The following STAG1 variants were observed in gnomAD, a reference collection of about 807,000 sequenced individuals.
STAG1 encodes cohesin subunit SA-1.
A neutral mutation model predicts 170.9 loss-of-function variants in STAG1; 26 were observed. That is an observed-to-expected ratio of 0.15 (90% CI 0.11 to 0.21). The LOEUF is 0.21. Among genes scored for constraint, STAG1 ranks in the 10% least tolerant of loss-of-function variants. The probability of loss-of-function intolerance (pLI) is 1.00; values close to 1 mark genes in which losing one functional copy is unlikely to be tolerated. For synonymous variants in STAG1, 514 were observed against 497.7 expected (o/e 1.03, Z -0.44); for missense variants, 964 against 1,509.5 (o/e 0.64, Z 5.99).
chr3:136,629,208 A>C (rs1940225687), intron 2 of STAG1, among the ~76,000 whole-genome samples: 1 of 152,242 alleles, frequency 6.6e-6, no homozygotes, highest in South Asian at 2.1e-4. Context: ...AGAGCTATTA[A>C]AGGCCTACCT....
intron 3 of STAG1, among the ~76,000 whole-genome samples, chr3:136,616,881 T>C (rs901067770): frequency 1.3e-5 from 2 of 152,120 alleles, no homozygotes; most frequent in Non-Finnish European, 1.5e-5. Flanking sequence ...ATGAACAATA[T>C]AGAAAGTACT....
At chr3:136,499,206 G>C (rs1413334592) in intron 9 of STAG1, among the ~76,000 whole-genome samples, 2 of 152,108 alleles carry the variant, frequency 1.3e-5, no homozygotes, top group African/African-American at 4.8e-5. Context: ...TTTTGTTTTA[G>C]ACAGGGTCTT....
At chr3:136,743,444 G>T (rs1278907622) in intron 1 of STAG1, among the ~76,000 whole-genome samples, 1 of 151,488 alleles carries the variant, frequency 6.6e-6, no homozygotes, top group Admixed American at 6.6e-5. Context: ...ACATTAGAAG[G>T]ATAGCAAGGA....
chr3:136,396,520 C>CATTTT (rs2087162173), intron 22 of STAG1, among the ~76,000 whole-genome samples: 1 of 43,638 alleles, frequency 2.3e-5, no homozygotes, highest in Non-Finnish European at 3.7e-5. Flanking sequence ...CGCGCCTGGC[C>CATTTT]TTTTTTTTTT....
chr3:136,505,961 T>C (rs1449929585), intron 7 of STAG1, among the ~76,000 whole-genome samples: 1 of 151,990 alleles, frequency 6.6e-6, no homozygotes, highest in East Asian at 1.9e-4. Context: ...AGCACAGAGG[T>C]AGTCAGAGGC....
chr3:136,492,005 A>G (rs989899546), intron 9 of STAG1, among the ~76,000 whole-genome samples: 9 of 152,184 alleles, frequency 5.9e-5, no homozygotes, highest in African/African-American at 1.7e-4. Flanking sequence ...ACAAAACAAA[A>G]CAAAAAAACA....
At chr3:136,504,854 G>A (rs1349448484) in intron 7 of STAG1, among the ~76,000 whole-genome samples, 3 of 152,020 alleles carry the variant, frequency 2.0e-5, no homozygotes, top group African/African-American at 7.2e-5. Context: ...AACTCCAAAT[G>A]TCATTATTTA....
chr3:136,439,318 G>A (rs974449590), intron 15 of STAG1, among the ~76,000 whole-genome samples: 1 of 149,990 alleles, frequency 6.7e-6, no homozygotes, highest in Non-Finnish European at 1.5e-5. Flanking sequence ...CAGAGCTGTT[G>A]ACAAGAACCA....
intron 27 of STAG1, among the ~76,000 whole-genome samples, chr3:136,358,633 G>A (rs1373827515): frequency 6.6e-6 from 1 of 152,090 alleles, no homozygotes; most frequent in African/African-American, 2.4e-5. Context: ...GGAGGGCAGT[G>A]GTACAATCAT....
rs1000203169 is a variant in STAG1, at chr3:136,657,904, T to C, written c.-83-26923A>G. ...TAGCTATGAGTTGTGGATTTCCCTG[T>C]TGACTTGTTGTACTTTTCTTTTATC... is the stretch of plus-strand genomic sequence containing the variant. On this transcript the variant is annotated intron_variant, in intron 1 of 33. Transcript: ENST00000383202. Among the ~76,000 whole-genome samples, 3 of 152,218 alleles carry C rather than the reference T, an allele frequency of 2.0e-5. No homozygotes were observed. The South Asian group carries it at 6.2e-4, about 31-fold the overall frequency.
intron 1 of STAG1, among the ~76,000 whole-genome samples, chr3:136,638,729 C>T (rs2107844498): frequency 6.6e-6 from 1 of 152,162 alleles, no homozygotes; most frequent in African/African-American, 2.4e-5. Context: ...ATGGTGAAAA[C>T]TCGTCTCTGC....
chr3:136,518,017 G>C (rs67794070), intron 7 of STAG1: 13,589 of 172,250 alleles, frequency 0.079, 561 homozygotes, highest in Non-Finnish European at 0.094. Context: ...TTATGAGTGT[G>C]GAATAAACAG....
At chr3:136,512,333 A>G (rs1218478365) in intron 7 of STAG1, among the ~76,000 whole-genome samples, 1 of 152,092 alleles carries the variant, frequency 6.6e-6, no homozygotes, top group East Asian at 1.9e-4. Context: ...ATTTTAGCTT[A>G]GTAGAATCCA....
intron 6 of STAG1, among the ~76,000 whole-genome samples, chr3:136,526,499 G>C (rs1001706729): frequency 6.6e-6 from 1 of 152,160 alleles, no homozygotes; most frequent in Non-Finnish European, 1.5e-5. Context: ...CTCTGCACTT[G>C]AGATGGGTCT....
chr3:136,620,699 A>T (rs186407170), intron 3 of STAG1, among the ~76,000 whole-genome samples: 17 of 152,382 alleles, frequency 1.1e-4, no homozygotes. Context: ...AGGTGGAAGT[A>T]CAGACAGCCA....
At chr3:136,632,149 C>T (rs1940356253) in intron 1 of STAG1, among the ~76,000 whole-genome samples, 1 of 152,138 alleles carries the variant, frequency 6.6e-6, no homozygotes, top group Non-Finnish European at 1.5e-5. Context: ...CCCTGAATTA[C>T]ATACCAAGTG....
At chr3:136,525,404 T>C (rs572458495) in intron 6 of STAG1, among the ~76,000 whole-genome samples, 77 of 152,332 alleles carry the variant, frequency 5.1e-4, no homozygotes, top group Non-Finnish European at 9.3e-4. Flanking sequence ...TAGTTTTCTC[T>C]GACGGTAGTT....
At chr3:136,519,321 T>C (rs1210988123) in intron 7 of STAG1, among the ~76,000 whole-genome samples, 2 of 152,112 alleles carry the variant, frequency 1.3e-5, no homozygotes, top group Non-Finnish European at 2.9e-5. Context: ...AAGCCAAAGG[T>C]TGTGCTCTAT....
intron 2 of STAG1, among the ~76,000 whole-genome samples, chr3:136,629,030 T>C (rs1940219587): frequency 1.3e-5 from 2 of 152,202 alleles, no homozygotes; most frequent in Non-Finnish European, 1.5e-5. Context: ...AGAGCTCATT[T>C]ATCCAGCTCC....
Sources: allele counts gnomAD v4.1 joint callset (sites outside exome capture counted in the v4.1 genomes callset), GRCh38; gene constraint gnomAD v4.1.1; transcripts MANE v1.5; gene names NCBI Gene and HGNC (gene_info 2026-07-23, HGNC 2026-07-21).